OPCML: variants seen among roughly 807,000 people sequenced by gnomAD.
OPCML encodes opioid-binding protein/cell adhesion molecule.
OPCML carries 13 observed loss-of-function variants against 37.8 expected under a neutral mutation model. The ratio of observed to expected loss-of-function variants is 0.34; its 90% confidence interval spans 0.22 to 0.55. OPCML has a LOEUF of 0.55. Ranked by LOEUF, OPCML falls within the 20% of genes least tolerant of loss-of-function variation. The probability of loss-of-function intolerance (pLI) is 0.91; values close to 1 mark genes in which losing one functional copy is unlikely to be tolerated. For synonymous variants in OPCML, 176 were observed against 168.8 expected (o/e 1.04, Z -0.33); for missense variants, 341 against 435.6 (o/e 0.78, Z 1.93).
chr11:133,523,253 T>C (rs1948429199), intron 1 of OPCML, among the ~76,000 whole-genome samples: 1 of 152,166 alleles, frequency 6.6e-6, no homozygotes, highest in South Asian at 2.1e-4. Context: ...ACCTATTCCT[T>C]GTTCCAGGAC....
chr11:132,988,843 T>C (rs1161637234), intron 1 of OPCML, among the ~76,000 whole-genome samples: 3 of 152,032 alleles, frequency 2.0e-5, no homozygotes, highest in Non-Finnish European at 4.4e-5. Flanking sequence ...ATGTCAAGAG[T>C]ATTTAAAGAA....
At chr11:133,119,118 C>A (rs1448823465) in intron 1 of OPCML, among the ~76,000 whole-genome samples, 1 of 152,066 alleles carries the variant, frequency 6.6e-6, no homozygotes, top group Admixed American at 6.6e-5. Context: ...CAGGCAACTT[C>A]TACAGCCATC....
At chr11:132,604,810 C>A (rs892616880) in intron 3 of OPCML, among the ~76,000 whole-genome samples, 20 of 152,092 alleles carry the variant, frequency 1.3e-4, no homozygotes, top group African/African-American at 4.8e-4. Flanking sequence ...TCAGAAATGA[C>A]AAGTAGTTTG....
chr11:132,707,518 A>T (rs1391230348), intron 2 of OPCML, among the ~76,000 whole-genome samples: 2 of 152,232 alleles, frequency 1.3e-5, no homozygotes. Context: ...CCCACTGACA[A>T]TGAGAACAAA....
rs117358330 is a variant in OPCML at position 133,110,832 on chromosome 11, A to T, written c.62-167822T>A. ...AAACTGGAGCACCACTAAGGGCATG[A>T]CTAAGTAGAGAAGCACAGAGGTGTG... On this transcript the variant is annotated intron_variant, in intron 1 of 7. Transcript: ENST00000524381. 6.8e-4 allele frequency among the ~76,000 whole-genome samples: 104 copies of T among 152,334 alleles called. 1 individual carries two copies. The highest frequency in any genetic ancestry group is 1.3e-3 in the Non-Finnish European group (86 of 68,034).
intron 1 of OPCML, among the ~76,000 whole-genome samples, chr11:132,970,123 G>A (rs961667405): frequency 6.6e-6 from 1 of 152,132 alleles, no homozygotes; most frequent in Non-Finnish European, 1.5e-5. Context: ...TCCAGGTCAT[G>A]GTGCCCCCTC....
intron 2 of OPCML, among the ~76,000 whole-genome samples, chr11:132,802,210 T>G (rs1427557533): frequency 6.6e-6 from 1 of 152,166 alleles, no homozygotes; most frequent in Non-Finnish European, 1.5e-5. Context: ...TCTTAACTCT[T>G]TCTCCTCCTT....
intron 2 of OPCML, among the ~76,000 whole-genome samples, chr11:132,796,565 CTTTTTTTTTTT>C (rs71067396): frequency 4.9e-4 from 43 of 88,588 alleles, no homozygotes; most frequent in African/African-American, 1.8e-3. Flanking sequence ...TTTCTTCTTT[CTTTTTTTTTTT>C]TTTTTTTTTT....
chr11:133,039,083 T>C (rs1327366677), intron 1 of OPCML, among the ~76,000 whole-genome samples: 1 of 152,240 alleles, frequency 6.6e-6, no homozygotes, highest in Non-Finnish European at 1.5e-5. Context: ...CCATGTGTTT[T>C]AAGATTTCAC....
chr11:132,637,375 G>A (rs896239881), intron 3 of OPCML, among the ~76,000 whole-genome samples: 2 of 152,024 alleles, frequency 1.3e-5, no homozygotes, highest in East Asian at 1.9e-4. Flanking sequence ...GGAATCGTAC[G>A]CTAGCCTTTC....
chr11:133,321,615 G>C (rs1310995824), intron 1 of OPCML, among the ~76,000 whole-genome samples: 1 of 152,052 alleles, frequency 6.6e-6, no homozygotes, highest in Non-Finnish European at 1.5e-5. Context: ...CTGCAATTTG[G>C]GTTATGTCAA....
At chr11:132,599,193 G>C (rs1937655421) in intron 3 of OPCML, among the ~76,000 whole-genome samples, 1 of 152,150 alleles carries the variant, frequency 6.6e-6, no homozygotes. Context: ...TTCTGTGGGA[G>C]GAGAATCGCT....
intron 1 of OPCML, among the ~76,000 whole-genome samples, chr11:133,260,394 AC>A (rs1468310761): frequency 6.6e-6 from 1 of 152,096 alleles, no homozygotes; most frequent in Admixed American, 6.5e-5. Context: ...TGAGGCTGGG[AC>A]CAGGGGGCTA....
At chr11:132,497,512 C>T (rs763500006) in intron 4 of OPCML, among the ~76,000 whole-genome samples, 6 of 151,700 alleles carry the variant, frequency 4.0e-5, no homozygotes, top group Non-Finnish European at 5.9e-5. Flanking sequence ...GTTTTATGGG[C>T]GGTGATCAGA....
intron 2 of OPCML, among the ~76,000 whole-genome samples, chr11:132,782,030 G>T (rs1378951609): frequency 1.3e-5 from 2 of 149,296 alleles, no homozygotes; most frequent in Admixed American, 1.3e-4. Flanking sequence ...TTCAGAGAGG[G>T]CTGCCACATC....
At chr11:132,498,453 C>T (rs1051398252) in intron 4 of OPCML, among the ~76,000 whole-genome samples, 1 of 152,200 alleles carries the variant, frequency 6.6e-6, no homozygotes, top group Non-Finnish European at 1.5e-5. Flanking sequence ...CAAATTTTTG[C>T]CATGCAGCTA....
chr11:133,140,349 TA>T (rs1198855625), intron 1 of OPCML, among the ~76,000 whole-genome samples: 2 of 147,470 alleles, frequency 1.4e-5, no homozygotes, highest in Admixed American at 6.8e-5. Context: ...CCATCTCTAC[TA>T]AAAAAAATAC....
intron 2 of OPCML, among the ~76,000 whole-genome samples, chr11:132,828,820 A>C (rs4245110): frequency 0.89 from 135,551 of 152,112 alleles, 61,283 homozygotes; most frequent in Middle Eastern, 0.96. Flanking sequence ...AATTTCCCAA[A>C]AAGTGCCTAA....
At chr11:132,645,735 T>G (rs554167277) in intron 3 of OPCML, among the ~76,000 whole-genome samples, 1 of 152,384 alleles carries the variant, frequency 6.6e-6, no homozygotes, top group South Asian at 2.1e-4. Flanking sequence ...CTACTGGTCA[T>G]GTGTGTCTAT....
Sources: gnomAD v4.1 joint callset for allele counts (sites outside exome capture counted in the v4.1 genomes callset) on GRCh38, gnomAD v4.1.1 for gene constraint, MANE v1.5 for transcripts, NCBI Gene and HGNC (gene_info 2026-07-23, HGNC 2026-07-21) for gene names.